The following GRIK1 variants were observed in gnomAD, a reference collection of about 807,000 sequenced individuals.
GRIK1 encodes the protein glutamate ionotropic receptor kainate type subunit 1.
GRIK1 carries 69 observed loss-of-function variants against 105.7 expected under a neutral mutation model. That is an observed-to-expected ratio of 0.65 (90% confidence interval 0.54 to 0.80). GRIK1 has a LOEUF of 0.80. GRIK1 is among the 30% of genes least tolerant of loss of function. The pLI, the probability that GRIK1 is intolerant of heterozygous loss-of-function variation, is 0.00. For synonymous variants in GRIK1, 438 were observed against 431.3 expected, an observed-to-expected ratio of 1.02 and a Z score of -0.19; for missense variants, 1,109 against 1,167.3, an observed-to-expected ratio of 0.95 and a Z score of 0.73.
At chr21:29,670,937 A>G (rs2063149137) in intron 4 of GRIK1, among the ~76,000 whole-genome samples, 3 of 152,194 alleles carry the variant, frequency 2.0e-5, no homozygotes, top group Admixed American at 2.0e-4. Flanking sequence ...TAATGTAACT[A>G]TAACGTAGAA....
intron 4 of GRIK1, among the ~76,000 whole-genome samples, chr21:29,662,805 T>C (rs1568947188): frequency 1.3e-5 from 2 of 152,132 alleles, no homozygotes; most frequent in Non-Finnish European, 2.9e-5. Flanking sequence ...TCTTAGTATA[T>C]TATTAGAACC....
chr21:29,928,935 T>C (rs1272505971), intron 1 of GRIK1, among the ~76,000 whole-genome samples: 1 of 152,174 alleles, frequency 6.6e-6, no homozygotes, highest in East Asian at 1.9e-4. Context: ...AAACTCCCAC[T>C]GGGGCCACAT....
At chr21:29,581,661 C>T in intron 12 of GRIK1, 118 bp from the exon 13 acceptor site, 1 of 641,366 alleles carries the variant, frequency 1.6e-6, no homozygotes, top group Non-Finnish European at 2.8e-6. Context: ...AGCTTCAAAC[C>T]AAAAGAGTAA....
intron 1 of GRIK1, among the ~76,000 whole-genome samples, chr21:29,907,765 C>T (rs967504036): frequency 1.3e-5 from 2 of 152,068 alleles, no homozygotes; most frequent in Admixed American, 6.6e-5. Flanking sequence ...CCATAATATG[C>T]TAGTGAATTA....
chr21:29,770,864 T>G (rs1287705887), intron 1 of GRIK1, among the ~76,000 whole-genome samples: 3 of 152,220 alleles, frequency 2.0e-5, no homozygotes, highest in Non-Finnish European at 2.9e-5. Flanking sequence ...GATAAAAATT[T>G]TAGCAATTAG....
At chr21:29,850,210 A>G (rs1320711871) in intron 1 of GRIK1, among the ~76,000 whole-genome samples, 1 of 152,188 alleles carries the variant, frequency 6.6e-6, no homozygotes, top group African/African-American at 2.4e-5. Flanking sequence ...CATAAACAAA[A>G]TCATCTTCTC....
At chr21:29,575,061 A>C (rs1403200466) in intron 14 of GRIK1, among the ~76,000 whole-genome samples, 2 of 152,188 alleles carry the variant, frequency 1.3e-5, no homozygotes, top group African/African-American at 4.8e-5. Context: ...AAGAAAAGTA[A>C]GTCCTACTTT....
intron 1 of GRIK1, among the ~76,000 whole-genome samples, chr21:29,745,063 T>C (rs1232837646): frequency 2.0e-5 from 3 of 152,154 alleles, no homozygotes; most frequent in Admixed American, 6.5e-5. Flanking sequence ...AGTGGTTAAA[T>C]GTCACTTCTG....
At chr21:29,581,319 A>G in intron 13 of GRIK1, 106 bp downstream of exon 13, 2 of 725,226 alleles carry the variant, frequency 2.8e-6, no homozygotes, top group Non-Finnish European at 4.9e-6. Flanking sequence ...TAAGTTCCTG[A>G]GATGGTGTTT....
chr21:29,875,241 T>C (rs1311974818), intron 1 of GRIK1, among the ~76,000 whole-genome samples: 1 of 152,118 alleles, frequency 6.6e-6, no homozygotes, highest in Non-Finnish European at 1.5e-5. Context: ...TCCGAGTCCC[T>C]GGAGCATCAT....
Position 29,686,180 on chromosome 21 carries a change from C to T in GRIK1, c.544+3548G>A, listed in dbSNP as rs188308509. Among the ~76,000 whole-genome samples, 607 of 152,298 alleles carry T rather than the reference C, an allele frequency of 4.0e-3. 6 individuals are homozygous for T. The highest frequency in any genetic ancestry group is 0.014 in the African/African-American group (578 of 41,572). On this transcript the variant is annotated intron_variant, in intron 3 of 17. Coordinates refer to ENST00000327783, the MANE Select transcript of GRIK1 (RefSeq NM_001330994.2). Reference sequence around the variant, plus strand: ...TCTTCATTTTTGAAGCCTCCTGAGTCATGTAAAACTTTGGTTAAACAAATT... The same window carrying T: ...TCTTCATTTTTGAAGCCTCCTGAGTTATGTAAAACTTTGGTTAAACAAATT...
At chr21:29,876,820 G>C (rs468619) in intron 1 of GRIK1, among the ~76,000 whole-genome samples, 1 of 152,020 alleles carries the variant, frequency 6.6e-6, no homozygotes, top group Non-Finnish European at 1.5e-5. Context: ...TAGGCAATTC[G>C]TTTGGCTTTT....
chr21:29,693,922 A>C lies in GRIK1; in HGVS notation c.260T>G (p.Phe87Cys). The change falls in exon 2 of 18, where the codon TTT becomes TGT. Residue 87 changes from phenylalanine (F) to cysteine (C), a missense_variant. Physicochemically the swap from Phe to Cys is radical, Grantham distance 205. This residue lies in a region of GRIK1 where 612 missense variants were observed against 586.0 expected (regional missense o/e 1.04). Transcript: ENST00000327783. ...TCTCCGCGAGGCTTCAAAACTATCA[A>C]AAAGGTTAATTCTCTGGATGTCATA... Reference protein sequence around the residue: ...LTYDIQRINLFDSFEASRRAC... With the variant: ...LTYDIQRINLCDSFEASRRAC... 6.2e-7 allele frequency: 1 copy of C among 1,613,538 alleles called. No homozygotes were observed. Among genetic ancestry groups the C allele is most frequent in the Non-Finnish European group, 8.5e-7 (1 of 1,179,584 alleles).
chr21:29,817,714 T>G (rs2067191601), intron 1 of GRIK1, among the ~76,000 whole-genome samples: 1 of 152,118 alleles, frequency 6.6e-6, no homozygotes, highest in Non-Finnish European at 1.5e-5. Flanking sequence ...ACAGCAGACC[T>G]GCAGCCACCA....
At chr21:29,830,944 C>A (rs554914172) in intron 1 of GRIK1, among the ~76,000 whole-genome samples, 2 of 152,110 alleles carry the variant, frequency 1.3e-5, no homozygotes, top group South Asian at 4.2e-4. Flanking sequence ...ACAAAGGTCA[C>A]CATAATCATT....
intron 1 of GRIK1, among the ~76,000 whole-genome samples, chr21:29,746,276 G>A (rs963901863): frequency 2.0e-5 from 3 of 152,166 alleles, no homozygotes; most frequent in Admixed American, 2.0e-4. Flanking sequence ...GCCCTGATTT[G>A]AAATTAATTA....
chr21:29,822,863 A>G (rs2067343726), intron 1 of GRIK1, among the ~76,000 whole-genome samples: 1 of 151,970 alleles, frequency 6.6e-6, no homozygotes, highest in Admixed American at 6.6e-5. Flanking sequence ...TTTCAATCAC[A>G]CTCAGCCTAA....
chr21:29,654,813 G>T lies in GRIK1; in HGVS notation c.777C>A (p.Thr259=), dbSNP rs1279029753. 1.3e-6 allele frequency: 2 copies of T among 1,548,794 alleles called. No individual in the cohort carries two copies. The highest frequency in any genetic ancestry group is 1.8e-6 in the Non-Finnish European group (2 of 1,120,512). ...CATTTCTCCCAGATGCACTTACCAG[G>T]GTTGTGAAAAAGTAGTGATAGTACT... ...MTEYYHYFFT[T]LDLFALDLEL... is the part of the protein sequence containing the mutation. Residue 259 remains threonine (T), a synonymous_variant, in exon 5 of 18, where the codon ACC becomes ACA. Coordinates refer to ENST00000327783, the MANE Select transcript of GRIK1 (RefSeq NM_001330994.2).
intron 7 of GRIK1, among the ~76,000 whole-genome samples, chr21:29,605,415 C>T (rs1045081194): frequency 2.0e-5 from 3 of 152,158 alleles, no homozygotes; most frequent in Admixed American, 1.3e-4. Flanking sequence ...TTTATGGCTG[C>T]GTAGTATTCC....
Sources: gnomAD v4.1 joint callset for allele counts (sites outside exome capture counted in the v4.1 genomes callset) on GRCh38, gnomAD v4.1.1 for gene constraint, gnomAD v4.1.1 regional missense constraint, MANE v1.5 for transcripts, NCBI Gene and HGNC (gene_info 2026-07-23, HGNC 2026-07-21) for gene names.